GPN3: variants seen among roughly 807,000 people sequenced by gnomAD.
GPN3 encodes ATP-binding domain 1 family member C.
In GPN3, 31 loss-of-function variants were observed where a neutral mutation model predicts 38.7. The observed-to-expected ratio is 0.80, with a 90% CI of 0.60 to 1.08. GPN3 has a LOEUF of 1.08. Among genes scored for constraint, GPN3 ranks in the 50% least tolerant of loss-of-function variants. The probability of loss-of-function intolerance (pLI) is 0.00; values close to 1 mark genes in which losing one functional copy is unlikely to be tolerated. For synonymous variants in GPN3, 116 were observed against 120.2 expected (o/e 0.96, Z 0.23); for missense variants, 301 against 354.4 (o/e 0.85, Z 1.21).
chr12:110,453,958 T>C, intron 6 of GPN3, 87 bp from the exon 7 acceptor site: 1 of 962,730 alleles, frequency 1.0e-6, no homozygotes, highest in South Asian at 1.6e-5. Flanking sequence ...TTATAACCAT[T>C]TGTACTTCTG....
chr12:110,459,803 G>A lies in GPN3; in HGVS notation c.217C>T (p.Pro73Ser). 1.9e-6 allele frequency: 3 copies of A among 1,613,464 alleles called. No homozygotes were observed. The highest frequency in any genetic ancestry group is 2.5e-6 in the Non-Finnish European group (3 of 1,179,380). ...VMEDDSLRFG[P>S]NGGLVFCMEY... ...ATGCAAAATACCAATCCTCCGTTGG[G>A]ACCGAATCGCAGAGAATCATCCTCC... is the stretch of plus-strand genomic sequence containing the variant. Residue 73 changes from proline (P) to serine (S), a missense_variant, in exon 3 of 8, where the codon CCC becomes TCC. Physicochemically the swap from Pro to Ser is moderately conservative, Grantham distance 74 (BLOSUM62 -1). Transcript: ENST00000228827.
At chr12:110,455,118 C>G (rs1384456846) in intron 6 of GPN3, among the ~76,000 whole-genome samples, 1 of 151,856 alleles carries the variant, frequency 6.6e-6, no homozygotes, top group African/African-American at 2.4e-5. Context: ...GTCACCGCGC[C>G]TGGCCTAATT....
At chr12:110,461,677 T>C (rs922438274) in intron 2 of GPN3, among the ~76,000 whole-genome samples, 9 of 152,126 alleles carry the variant, frequency 5.9e-5, no homozygotes, top group African/African-American at 1.9e-4. Context: ...AATCAGTATA[T>C]AGAATCTTCT....
chr12:110,455,113 C>T (rs747143575), intron 6 of GPN3, among the ~76,000 whole-genome samples: 2 of 151,628 alleles, frequency 1.3e-5, no homozygotes, highest in African/African-American at 2.4e-5. Flanking sequence ...CGTAAGTCAC[C>T]GCGCCTGGCC....
At chr12:110,466,160 G>A (rs2062626026) in intron 1 of GPN3, among the ~76,000 whole-genome samples, 1 of 151,792 alleles carries the variant, frequency 6.6e-6, no homozygotes, top group Non-Finnish European at 1.5e-5. Context: ...AGTTTCCCAA[G>A]CACAGGGACT....
Position 110,465,187 on chromosome 12 carries a change from G to C in GPN3, c.76C>G (p.His26Asp). 6.2e-7 allele frequency: 1 copy of C among 1,609,190 alleles called. No homozygotes were observed. Among genetic ancestry groups the C allele is most frequent in the Non-Finnish European group, 8.5e-7 (1 of 1,175,434 alleles). ...KSTYCATMVQHCEALNRSVQV... is the reference protein window; with the variant it reads ...KSTYCATMVQDCEALNRSVQV... Reference sequence around the variant, plus strand: ...ACAGACCGGTTGAGGGCTTCACAGTGCTGGACCATGGTGGCACAGTAGGTG... The same window carrying C: ...ACAGACCGGTTGAGGGCTTCACAGTCCTGGACCATGGTGGCACAGTAGGTG... The change falls in exon 2 of 8, where the codon CAC (histidine) becomes GAC (aspartate). Residue 26 changes from histidine (H) to aspartate (D), a missense_variant. His to Asp is a moderately conservative substitution (Grantham distance 81, BLOSUM62 -1). Coordinates refer to ENST00000228827, the MANE Select transcript of GPN3 (RefSeq NM_016301.4).
chr12:110,465,524 G>C (rs554714534), intron 1 of GPN3, among the ~76,000 whole-genome samples: 10 of 152,218 alleles, frequency 6.6e-5, no homozygotes, highest in Non-Finnish European at 1.5e-4. Context: ...GAAGAGTTCT[G>C]GTTACATAGT....
chr12:110,461,414 A>G, intron 2 of GPN3: 3 of 590,740 alleles, frequency 5.1e-6, no homozygotes, highest in South Asian at 2.1e-5. Context: ...AAAAAAAAAG[A>G]CTCCATCTCA....
intron 2 of GPN3, among the ~76,000 whole-genome samples, chr12:110,463,529 G>A (rs752017852): frequency 6.7e-5 from 9 of 135,140 alleles, no homozygotes; most frequent in Non-Finnish European, 1.4e-4. Flanking sequence ...CAACACTTTG[G>A]GAGACTGAGG....
chr12:110,459,789 C>T lies in GPN3; in HGVS notation c.231G>A (p.Leu77=), dbSNP rs980435020. The part of the protein sequence containing the change: ...DSLRFGPNGG[L]VFCMEYFANN... ...TGGCAAAGTACTCCATGCAAAATAC[C>T]AATCCTCCGTTGGGACCGAATCGCA... is the stretch of plus-strand genomic sequence containing the variant. The change falls in exon 3 of 8, where the codon TTG becomes TTA. Residue 77 remains leucine (L), a synonymous_variant. Transcript: ENST00000228827. 1.4e-5 allele frequency: 22 copies of T among 1,613,046 alleles called. No homozygotes were observed. Among genetic ancestry groups the T allele is most frequent in the Non-Finnish European group, 1.8e-5 (21 of 1,179,098 alleles).
chr12:110,468,298 A>T, upstream of GPN3: 1 of 1,592,542 alleles, frequency 6.3e-7, no homozygotes, highest in South Asian at 1.1e-5. Context: ...CGCAATCCAC[A>T]TTCTTTCTAC....
At chr12:110,468,620 CTTGTTTTGGGGAGCATG>C (rs1263055915), upstream of GPN3, 1 of 1,537,146 alleles carries the variant, frequency 6.5e-7, no homozygotes, top group Non-Finnish European at 8.7e-7. Context: ...GAAGGCACCT[CTTGTTTTGGGGAGCATG>C]TATATTTCCC....
intron 2 of GPN3, among the ~76,000 whole-genome samples, chr12:110,462,930 GTAT>G (rs937058398): frequency 2.0e-5 from 3 of 151,952 alleles, no homozygotes; most frequent in African/African-American, 4.8e-5. Flanking sequence ...CTAGTTTTTT[GTAT>G]TTTTAGTAGA....
At position 110,461,266 on chromosome 12, in the gene GPN3, T is replaced by C. The variant is rs900901696; in HGVS notation, c.158-1404A>G. The C allele has an allele frequency of 3.0e-6, 4 of 1,327,692 alleles. No homozygotes were observed. In the Admixed American group the frequency reaches 5.0e-5, roughly 17 times the overall value. The allele number at this position is 1,327,692 out of a possible 1,614,324, so 82.2% of individuals were successfully genotyped here. Reference sequence around the variant, plus strand: ...GTGTGCAGCTGTCCAGAAAACGTAATGAGGATGAAGATTCACCAAATAAGC... The same window carrying C: ...GTGTGCAGCTGTCCAGAAAACGTAACGAGGATGAAGATTCACCAAATAAGC... On this transcript the variant is annotated intron_variant, in intron 2 of 7. Transcript: ENST00000228827.
intron 6 of GPN3, among the ~76,000 whole-genome samples, chr12:110,455,340 T>C (rs1374995463): frequency 6.6e-6 from 1 of 151,732 alleles, no homozygotes; most frequent in Non-Finnish European, 1.5e-5. Context: ...TTGGCCAGGC[T>C]TGGTCTTGAA....
chr12:110,467,876 A>G (rs998836639), intron 1 of GPN3, among the ~76,000 whole-genome samples: 2 of 152,196 alleles, frequency 1.3e-5, no homozygotes, highest in Non-Finnish European at 2.9e-5. Flanking sequence ...CGTTTTCTGT[A>G]AAATGAGAAA....
At chr12:110,466,992 C>T (rs1156435991) in intron 1 of GPN3, among the ~76,000 whole-genome samples, 1 of 151,136 alleles carries the variant, frequency 6.6e-6, no homozygotes, top group Non-Finnish European at 1.5e-5. Flanking sequence ...TGTTTCCACA[C>T]TTCTTCTTTT....
At chr12:110,453,894 A>G in intron 6 of GPN3, 23 bp from the exon 7 acceptor site, 2 of 1,585,368 alleles carry the variant, frequency 1.3e-6, no homozygotes, top group Non-Finnish European at 1.7e-6. Flanking sequence ...GATTTCAAGA[A>G]AAGTTCATTC....
chr12:110,455,763 G>T (rs2062545301), intron 5 of GPN3, 52 bp downstream of exon 5: 1 of 1,070,850 alleles, frequency 9.3e-7, no homozygotes, highest in East Asian at 2.4e-5. Flanking sequence ...TAAAACAGAA[G>T]GTTCATCTCT....
Sources: gnomAD v4.1 joint callset for allele counts (sites outside exome capture counted in the v4.1 genomes callset) on GRCh38, gnomAD v4.1.1 for gene constraint, MANE v1.5 for transcripts, NCBI Gene and HGNC (gene_info 2026-07-23, HGNC 2026-07-21) for gene names.